Variants in NKAIN3 observed in about 807,000 individuals in gnomAD.
The protein encoded by NKAIN3 is sodium/potassium-transporting ATPase subunit beta-1-interacting protein 3.
NKAIN3 carries 25 observed loss-of-function variants against 30.2 expected under a neutral mutation model. That is an observed-to-expected ratio of 0.83 (90% confidence interval 0.60 to 1.16). The LOEUF (loss-of-function observed/expected upper bound fraction) is 1.16. Among genes scored for constraint, NKAIN3 ranks in the 50% most tolerant of loss-of-function variants. The probability of loss-of-function intolerance (pLI) is 0.00; values close to 1 mark genes in which losing one functional copy is unlikely to be tolerated. For missense variants in NKAIN3, 225 were observed against 254.1 expected (o/e 0.89, Z 0.78); for synonymous variants, 91 against 89.6 (o/e 1.02, Z -0.09).
At chr8:62,568,484 G>A (rs1378697722) in intron 1 of NKAIN3, among the ~76,000 whole-genome samples, 1 of 152,136 alleles carries the variant, frequency 6.6e-6, no homozygotes, top group African/African-American at 2.4e-5. Flanking sequence ...CACTCTGCCA[G>A]TTGATATTCT....
intron 1 of NKAIN3, among the ~76,000 whole-genome samples, chr8:62,378,813 T>C (rs1455832580): frequency 6.6e-6 from 1 of 152,136 alleles, no homozygotes; most frequent in East Asian, 1.9e-4. Context: ...GCTAGTGCCA[T>C]GCAGAAGGGA....
chr8:62,863,864 C>A, intron 4 of NKAIN3: 2 of 1,533,004 alleles, frequency 1.3e-6, no homozygotes, highest in Non-Finnish European at 1.8e-6. Flanking sequence ...GCCACCTTTG[C>A]AGTAGTCCGC....
intron 1 of NKAIN3, among the ~76,000 whole-genome samples, chr8:62,317,535 C>A (rs961593613): frequency 6.6e-6 from 1 of 152,174 alleles, no homozygotes; most frequent in African/African-American, 2.4e-5. Context: ...AATAGGGAAT[C>A]CTTTCCCCAT....
intron 1 of NKAIN3, among the ~76,000 whole-genome samples, chr8:62,325,960 G>C (rs971858085): frequency 6.6e-6 from 1 of 151,768 alleles, no homozygotes; most frequent in Non-Finnish European, 1.5e-5. Context: ...TGGGTAGTCT[G>C]TTTACTCTAT....
At chr8:62,783,901 T>C (rs1414159051) in intron 4 of NKAIN3, among the ~76,000 whole-genome samples, 1 of 152,086 alleles carries the variant, frequency 6.6e-6, no homozygotes, top group African/African-American at 2.4e-5. Flanking sequence ...TTCTTCAGCC[T>C]CCCAAAGTGC....
chr8:62,811,144 CAT>C (rs1302589986), intron 4 of NKAIN3, among the ~76,000 whole-genome samples: 1 of 152,064 alleles, frequency 6.6e-6, no homozygotes, highest in Non-Finnish European at 1.5e-5. Context: ...CAAATGGACT[CAT>C]ACAGTATGTA....
chr8:62,659,100 C>A (rs572540813), intron 3 of NKAIN3, among the ~76,000 whole-genome samples: 4 of 152,186 alleles, frequency 2.6e-5, no homozygotes, highest in East Asian at 1.9e-4. Flanking sequence ...GGAATCACTT[C>A]GTCACTGGGC....
At chr8:62,997,155 T>C (rs1804135869) in intron 5 of NKAIN3, among the ~76,000 whole-genome samples, 1 of 152,200 alleles carries the variant, frequency 6.6e-6, no homozygotes, top group South Asian at 2.1e-4. Flanking sequence ...TAGAACTGTT[T>C]ACTGAAAGAA....
At chr8:62,555,009 T>TACACACACACACAC (rs1491362672) in intron 1 of NKAIN3, among the ~76,000 whole-genome samples, 1 of 104,624 alleles carries the variant, frequency 9.6e-6, no homozygotes, top group African/African-American at 3.2e-5. Flanking sequence ...TGGCAGAATC[T>TACACACACACACAC]ATACACACAC....
intron 1 of NKAIN3, among the ~76,000 whole-genome samples, chr8:62,280,667 T>C (rs1813147439): frequency 6.6e-6 from 1 of 152,210 alleles, no homozygotes; most frequent in African/African-American, 2.4e-5. Context: ...GTTTATATGC[T>C]GGATTACATT....
At chr8:62,580,918 A>ATG (rs949645147) in intron 2 of NKAIN3, among the ~76,000 whole-genome samples, 1 of 147,910 alleles carries the variant, frequency 6.8e-6, no homozygotes, top group African/African-American at 2.5e-5. Flanking sequence ...ATATATATAT[A>ATG]TATATATAGA....
intron 1 of NKAIN3, among the ~76,000 whole-genome samples, chr8:62,553,426 A>G (rs1447137912): frequency 6.6e-6 from 1 of 152,206 alleles, no homozygotes; most frequent in African/African-American, 2.4e-5. Flanking sequence ...CTATAAAAAT[A>G]GAAGCTGATC....
chr8:62,836,047 G>A (rs1819350973), intron 4 of NKAIN3, among the ~76,000 whole-genome samples: 1 of 152,062 alleles, frequency 6.6e-6, no homozygotes, highest in Non-Finnish European at 1.5e-5. Context: ...CAACACAGAT[G>A]CAGCTGGAGG....
chr8:62,891,113 G>T (rs1821284387), intron 4 of NKAIN3, among the ~76,000 whole-genome samples: 1 of 152,102 alleles, frequency 6.6e-6, no homozygotes, highest in African/African-American at 2.4e-5. Flanking sequence ...TGTCTGTGAG[G>T]GTGTTGCCAA....
intron 1 of NKAIN3, among the ~76,000 whole-genome samples, chr8:62,281,197 G>A (rs375683446): frequency 4.6e-5 from 7 of 152,012 alleles, no homozygotes; most frequent in Admixed American, 1.3e-4. Flanking sequence ...GGTTTTTGTA[G>A]TTCTGTGGGA....
intron 1 of NKAIN3, among the ~76,000 whole-genome samples, chr8:62,302,057 A>G (rs1192700840): frequency 6.6e-6 from 1 of 152,084 alleles, no homozygotes; most frequent in Non-Finnish European, 1.5e-5. Context: ...TTCCCTAATT[A>G]TTCTACAAGG....
intron 1 of NKAIN3, among the ~76,000 whole-genome samples, chr8:62,502,382 C>G (rs986607144): frequency 6.6e-6 from 1 of 152,150 alleles, no homozygotes. Context: ...TGATGCTGCT[C>G]TTTCAGAGTC....
At chr8:62,589,643 G>C in intron 2 of NKAIN3, 71 bp from the exon 3 acceptor site, 1 of 638,532 alleles carries the variant, frequency 1.6e-6, no homozygotes, top group Admixed American at 2.6e-5. Context: ...TTTTATTATT[G>C]ATTTATTTGA....
intron 3 of NKAIN3, among the ~76,000 whole-genome samples, chr8:62,608,968 A>G (rs1811206543): frequency 6.6e-6 from 1 of 152,154 alleles, no homozygotes; most frequent in South Asian, 2.1e-4. Flanking sequence ...CTAGAATATA[A>G]TAATTGTGGC....
Sources: allele counts gnomAD v4.1 joint callset (sites outside exome capture counted in the v4.1 genomes callset), GRCh38; gene constraint gnomAD v4.1.1; transcripts MANE v1.5; gene names NCBI Gene and HGNC (gene_info 2026-07-23, HGNC 2026-07-21).